DPH6: variants seen among roughly 807,000 people sequenced by gnomAD.
DPH6 encodes diphthine--ammonia ligase.
DPH6 carries 33 observed loss-of-function variants against 38.2 expected under a neutral mutation model. The ratio of observed to expected loss-of-function variants is 0.86; its 90% CI spans 0.65 to 1.15. The LOEUF is 1.15. Among genes scored for constraint, DPH6 ranks in the 50% most tolerant of loss-of-function variants. The probability of loss-of-function intolerance (pLI) is 0.00; values close to 1 mark genes in which losing one functional copy is unlikely to be tolerated. For synonymous variants in DPH6, 108 were observed against 103.0 expected, an observed-to-expected ratio of 1.05 and a Z score of -0.30; for missense variants, 325 against 320.0, an observed-to-expected ratio of 1.02 and a Z score of -0.12.
chr15:35,452,469 T>C (rs1478839351), intron 4 of DPH6, among the ~76,000 whole-genome samples: 1 of 127,556 alleles, frequency 7.8e-6, no homozygotes, highest in East Asian at 2.5e-4. Flanking sequence ...TTGGCCGACT[T>C]CTCTGGCCTA....
At chr15:35,533,666 T>C (rs1414334146) in intron 3 of DPH6, among the ~76,000 whole-genome samples, 3 of 150,130 alleles carry the variant, frequency 2.0e-5, no homozygotes, top group African/African-American at 7.3e-5. Flanking sequence ...ATTTTTATTA[T>C]TAAATTTATT....
At chr15:35,368,590 T>C (rs1012917752), downstream of DPH6, among the ~76,000 whole-genome samples, 2 of 152,074 alleles carry the variant, frequency 1.3e-5, no homozygotes, top group South Asian at 2.1e-4. Flanking sequence ...TAATGAGAGA[T>C]AAGCATGGGG....
chr15:35,228,272 T>C (rs2051495662), intron 3 of DPH6, among the ~76,000 whole-genome samples: 1 of 152,256 alleles, frequency 6.6e-6, no homozygotes, highest in Non-Finnish European at 1.5e-5. Context: ...TATATGTTAT[T>C]GTACTGCCCA....
intron 6 of DPH6, among the ~76,000 whole-genome samples, chr15:35,395,701 G>C (rs902975477): frequency 1.3e-5 from 2 of 152,052 alleles, no homozygotes; most frequent in African/African-American, 4.8e-5. Flanking sequence ...CCATCTTTTA[G>C]CTCCCAAGTG....
At chr15:35,226,181 G>A (rs756045398) in intron 3 of DPH6, among the ~76,000 whole-genome samples, 6 of 152,080 alleles carry the variant, frequency 3.9e-5, no homozygotes, top group Admixed American at 1.3e-4. Flanking sequence ...AGAACCATCA[G>A]GAATAGCTGT....
intron 5 of DPH6, among the ~76,000 whole-genome samples, chr15:35,414,654 C>T (rs191573808): frequency 4.0e-5 from 6 of 151,636 alleles, no homozygotes; most frequent in Admixed American, 3.3e-4. Flanking sequence ...GTTTTAATTG[C>T]ATTTTCTATT....
chr15:35,388,174 G>A (rs1458373684), intron 6 of DPH6, among the ~76,000 whole-genome samples: 1 of 152,142 alleles, frequency 6.6e-6, no homozygotes. Context: ...AACCAGCCTT[G>A]CATCCCAGGG....
At chr15:35,267,758 T>C (rs1481469005) in intron 3 of DPH6, among the ~76,000 whole-genome samples, 3 of 152,148 alleles carry the variant, frequency 2.0e-5, no homozygotes, top group Non-Finnish European at 2.9e-5. Context: ...AGATTTATAG[T>C]AGAGGAAGGT....
intron 3 of DPH6, among the ~76,000 whole-genome samples, chr15:35,279,718 G>C (rs1455162746): frequency 4.7e-4 from 72 of 152,108 alleles, no homozygotes; most frequent in Non-Finnish European, 5.9e-5. Flanking sequence ...CGTGCTTCCT[G>C]TGCAGCCTGC....
intron 6 of DPH6, among the ~76,000 whole-genome samples, chr15:35,390,055 C>T (rs923431314): frequency 6.6e-6 from 1 of 152,168 alleles, no homozygotes; most frequent in African/African-American, 2.4e-5. Flanking sequence ...AAAAATCTCT[C>T]AGCATTTGGT....
At chr15:35,242,480 C>A (rs1350607800) in intron 3 of DPH6, among the ~76,000 whole-genome samples, 1 of 143,410 alleles carries the variant, frequency 7.0e-6, no homozygotes, top group South Asian at 2.4e-4. Flanking sequence ...GAGAAGGCCA[C>A]GGCAGTCAGT....
chr15:35,250,818 G>T (rs935268171), intron 3 of DPH6, among the ~76,000 whole-genome samples: 1 of 152,152 alleles, frequency 6.6e-6, no homozygotes, highest in Non-Finnish European at 1.5e-5. Flanking sequence ...ATAAAGCTTT[G>T]TGAGTAGGCA....
intron 4 of DPH6, among the ~76,000 whole-genome samples, 195 bp downstream of exon 4, chr15:35,454,552 T>C (rs2053972644): frequency 6.6e-6 from 1 of 152,136 alleles, no homozygotes; most frequent in Non-Finnish European, 1.5e-5. Flanking sequence ...TAAGTTAAGT[T>C]TCCTCATGTG....
the DPH6 span, among the ~76,000 whole-genome samples, chr15:35,170,157 A>C: frequency 6.6e-6 from 1 of 152,200 alleles, no homozygotes; most frequent in East Asian, 1.9e-4. Context: ...GGTCAAATAA[A>C]AACCAAAACT....
At chr15:35,434,850 T>C (rs561204926) in intron 5 of DPH6, among the ~76,000 whole-genome samples, 54 of 152,242 alleles carry the variant, frequency 3.5e-4, no homozygotes, top group African/African-American at 1.3e-3. Context: ...CTCAGCTCAC[T>C]GCAACCTCCG....
chr15:35,253,563 G>A (rs544168261), intron 3 of DPH6, among the ~76,000 whole-genome samples: 1 of 152,312 alleles, frequency 6.6e-6, no homozygotes, highest in Non-Finnish European at 1.5e-5. Context: ...ATGGGGAACA[G>A]ATTTGATCGA....
chr15:35,504,501 A>C (rs2054668344), intron 3 of DPH6, among the ~76,000 whole-genome samples: 1 of 152,042 alleles, frequency 6.6e-6, no homozygotes, highest in South Asian at 2.1e-4. Context: ...AAAAAAAAAA[A>C]AACCTCTATC....
At chr15:35,329,657 G>A (rs951925283), downstream of DPH6, among the ~76,000 whole-genome samples, 1 of 152,118 alleles carries the variant, frequency 6.6e-6, no homozygotes, top group African/African-American at 2.4e-5. Flanking sequence ...CAGATGATCA[G>A]TTCTGTTCTT....
At chr15:35,528,819 C>T (rs2055044004) in intron 3 of DPH6, among the ~76,000 whole-genome samples, 2 of 152,106 alleles carry the variant, frequency 1.3e-5, no homozygotes, top group African/African-American at 4.8e-5. Flanking sequence ...TAGGCTCTTG[C>T]ATTTTTTATA....
Sources: gnomAD v4.1 joint callset for allele counts (sites outside exome capture counted in the v4.1 genomes callset) on GRCh38, gnomAD v4.1.1 for gene constraint, MANE v1.5 for transcripts, NCBI Gene and HGNC (gene_info 2026-07-23, HGNC 2026-07-21) for gene names.